Variants in GOLM1 observed in about 807,000 individuals in gnomAD.
GOLM1 encodes epididymis luminal protein 46.
GOLM1 carries 31 observed loss-of-function variants against 50.5 expected under a neutral mutation model. The observed-to-expected ratio is 0.61, with a 90% CI of 0.46 to 0.83. The LOEUF is 0.83. Ranked by LOEUF, GOLM1 falls within the 40% of genes least tolerant of loss-of-function variation. GOLM1 has a pLI of 0.00. For missense variants in GOLM1, 491 were observed against 501.3 expected (o/e 0.98, Z 0.20); for synonymous variants, 178 against 192.8 (o/e 0.92, Z 0.64).
chr9:86,070,215 CAA>C (rs1834408473), intron 3 of GOLM1, among the ~76,000 whole-genome samples: 1 of 152,130 alleles, frequency 6.6e-6, no homozygotes, highest in Admixed American at 6.5e-5. Context: ...AAAAACAAAA[CAA>C]AACTGCAACT....
chr9:86,085,391 A>G (rs1170846777), intron 1 of GOLM1, among the ~76,000 whole-genome samples: 1 of 149,470 alleles, frequency 6.7e-6, no homozygotes. Context: ...CTTCATTTGA[A>G]TAATTTTTTT....
intron 5 of GOLM1, among the ~76,000 whole-genome samples, chr9:86,044,454 T>G: frequency 6.6e-6 from 1 of 152,158 alleles, no homozygotes; most frequent in East Asian, 1.9e-4. Context: ...GGCAACTGAT[T>G]CTCCCAGGTT....
At chr9:86,088,696 A>G (rs1479956586) in intron 1 of GOLM1, among the ~76,000 whole-genome samples, 3 of 150,076 alleles carry the variant, frequency 2.0e-5, no homozygotes, top group African/African-American at 7.4e-5. Context: ...CAGCATACCT[A>G]TGGGTCTTGA....
At chr9:86,053,150 TCCACA>T (rs1181766688) in intron 3 of GOLM1, among the ~76,000 whole-genome samples, 3,680 of 40,442 alleles carry the variant, frequency 0.091, 65 homozygotes, top group Middle Eastern at 0.22. Context: ...CACACACCAC[TCCACA>T]CCACACATTC....
chr9:86,035,671 T>TTTAAA, intron 7 of GOLM1, 46 bp from the exon 8 acceptor site: 2 of 872,644 alleles, frequency 2.3e-6, no homozygotes, highest in African/African-American at 4.8e-5. Flanking sequence ...GCATTTGATT[T>TTTAAA]AAAAAAAAAA....
rs187911317 is a variant in GOLM1, at chr9:86,063,229, G to A, written c.310-10638C>T. Among the ~76,000 whole-genome samples, 106 of 152,332 alleles carry A rather than the reference G, an allele frequency of 7.0e-4. 1 individual carries two copies. Among genetic ancestry groups the A allele is most frequent in the Middle Eastern group, 3.4e-3 (1 of 294 alleles). On this transcript the variant is annotated intron_variant, in intron 3 of 9. Transcript: ENST00000388712. ...CACAGCACCAGCAATCTGGATATTC[G>A]TTCCCTGGCTGTTCTTTAACCAGCC...
chr9:86,060,899 A>AG (rs1834139881), intron 3 of GOLM1, among the ~76,000 whole-genome samples: 1 of 123,784 alleles, frequency 8.1e-6, no homozygotes, highest in Admixed American at 8.0e-5. Context: ...AAAAAAAAAA[A>AG]AAAAAAAAAA....
chr9:86,035,879 A>AAAAAAC (rs1833120695), intron 7 of GOLM1, among the ~76,000 whole-genome samples: 1 of 122,740 alleles, frequency 8.1e-6, no homozygotes, highest in South Asian at 2.4e-4. Context: ...AAAAAAAAAC[A>AAAAAAC]AAACAAAAAA....
At chr9:86,031,890 C>T (rs977833424) in intron 9 of GOLM1, among the ~76,000 whole-genome samples, 5 of 137,728 alleles carry the variant, frequency 3.6e-5, no homozygotes, top group Admixed American at 1.6e-4. Flanking sequence ...CGCGCCACTG[C>T]ACTTCAGCAA....
At chr9:86,044,822 C>T (rs1218998293) in intron 5 of GOLM1, among the ~76,000 whole-genome samples, 3 of 151,820 alleles carry the variant, frequency 2.0e-5, no homozygotes, top group South Asian at 2.1e-4. Flanking sequence ...TGTGGTGGCA[C>T]GTGCCCATAA....
At chr9:86,040,649 C>A in intron 6 of GOLM1, 90 bp downstream of exon 6, 1 of 1,264,406 alleles carries the variant, frequency 7.9e-7, no homozygotes, top group South Asian at 1.4e-5. Flanking sequence ...AGGGCAGAAT[C>A]CAGAGAAAGC....
chr9:86,075,079 G>C (rs1450962064), intron 3 of GOLM1, among the ~76,000 whole-genome samples: 4 of 152,156 alleles, frequency 2.6e-5, no homozygotes, highest in African/African-American at 9.7e-5. Flanking sequence ...GCCCCAGAGA[G>C]CTGCCTTGCC....
intron 2 of GOLM1, among the ~76,000 whole-genome samples, chr9:86,078,523 CA>C (rs1162788067): frequency 5.9e-5 from 9 of 152,208 alleles, no homozygotes; most frequent in Admixed American, 4.6e-4. Flanking sequence ...GGTCAAGGAT[CA>C]GGGGTAGAAG....
rs768920588 is a variant in GOLM1 at position 86,035,354 on chromosome 9, A to G, written c.1015+14T>C. 1.1e-5 allele frequency: 18 copies of G among 1,611,234 alleles called. 1 individual carries two copies. The South Asian group carries it at 1.8e-4, about 16-fold the overall frequency. On this transcript the variant is annotated intron_variant, in intron 8 of 9. Coordinates refer to ENST00000388712, the MANE Select transcript of GOLM1 (RefSeq NM_016548.4). ...GAAGGGAGTCCACAGCGGCCCCCGA[A>G]ACTTCACACCCACCTTCCCCGGCAG...
intron 1 of GOLM1, among the ~76,000 whole-genome samples, chr9:86,084,654 T>TA (rs1424397113): frequency 6.6e-6 from 1 of 152,172 alleles, no homozygotes; most frequent in African/African-American, 2.4e-5. Context: ...CTAAACTATA[T>TA]AAAAAATTAT....
chr9:86,052,825 C>A (rs1833804525), intron 3 of GOLM1, among the ~76,000 whole-genome samples: 1 of 112,190 alleles, frequency 8.9e-6, no homozygotes, highest in South Asian at 2.5e-4. Flanking sequence ...GCCAACGGGT[C>A]CAGACCCCAC....
chr9:86,073,037 T>C (rs1034230644), intron 3 of GOLM1, among the ~76,000 whole-genome samples: 5 of 152,230 alleles, frequency 3.3e-5, no homozygotes, highest in Non-Finnish European at 7.3e-5. Context: ...CATGACTGCA[T>C]ACATCTTAAT....
intron 1 of GOLM1, among the ~76,000 whole-genome samples, chr9:86,099,157 A>C (rs1835448752): frequency 1.3e-5 from 2 of 152,236 alleles, no homozygotes; most frequent in Middle Eastern, 3.4e-3. Flanking sequence ...CCCTCATCGC[A>C]GGGCAAGGGG....
chr9:86,046,452 G>A lies in GOLM1; in HGVS notation c.467+18C>T, dbSNP rs370080649. The A allele has an allele frequency of 2.1e-5, 31 of 1,466,928 alleles. No individual in the cohort carries two copies. The Middle Eastern group carries it at 8.8e-4, about 42-fold the overall frequency. The allele number at this position is 1,466,928 out of a possible 1,614,324, so 90.9% of individuals were successfully genotyped here. A position where few individuals can be genotyped will look rare whatever the true frequency, so the allele number is the denominator to read the frequency against. On this transcript the variant is annotated intron_variant, in intron 5 of 9. Coordinates refer to ENST00000388712, the MANE Select transcript of GOLM1 (RefSeq NM_016548.4). ...CCGTGCACCCTGCACTGTGGCACGCGCTCTGAGGTGTACTCACAGGTCGTA... is the reference window on the plus strand; with the variant it reads ...CCGTGCACCCTGCACTGTGGCACGCACTCTGAGGTGTACTCACAGGTCGTA...
Sources: gnomAD v4.1 joint callset for allele counts (sites outside exome capture counted in the v4.1 genomes callset) on GRCh38, gnomAD v4.1.1 for gene constraint, MANE v1.5 for transcripts, NCBI Gene and HGNC (gene_info 2026-07-23, HGNC 2026-07-21) for gene names.